Variants in SALL3 observed in about 807,000 individuals in gnomAD.
SALL3 encodes spalt like transcription factor 3.
A neutral mutation model predicts 66.2 loss-of-function variants in SALL3; 25 were observed. The ratio of observed to expected loss-of-function variants is 0.38; its 90% CI spans 0.28 to 0.53. The LOEUF (loss-of-function observed/expected upper bound fraction) is 0.53. SALL3 is among the 20% of genes least tolerant of loss of function. SALL3 has a pLI of 0.85. For missense variants in SALL3, 2,194 were observed against 1,916.5 expected, an observed-to-expected ratio of 1.14 and a Z score of -2.70; for synonymous variants, 1,152 against 899.1, an observed-to-expected ratio of 1.28 and a Z score of -5.03.
Position 78,992,206 on chromosome 18 carries a change from G to T in SALL3, c.215G>T (p.Ser72Ile), listed in dbSNP as rs755458261. Residue 72 changes from serine to isoleucine, a missense_variant, in exon 2 of 3, where the codon AGC becomes ATC. Ser to Ile is a moderately radical substitution (Grantham distance 142, BLOSUM62 -2). Coordinates refer to ENST00000537592, the MANE Select transcript of SALL3 (RefSeq NM_171999.4). ...KWADFLEHQR[S>I]CTKLPPVLIV... ...GCGGACTTCCTGGAGCACCAGCGGAGCTGCACCAAGCTCCCGCCCGTGCTG... is the reference window on the plus strand; with the variant it reads ...GCGGACTTCCTGGAGCACCAGCGGATCTGCACCAAGCTCCCGCCCGTGCTG... 1.1e-5 allele frequency: 18 copies of T among 1,609,764 alleles called. No individual in the cohort carries two copies. Among genetic ancestry groups the T allele is most frequent in the Non-Finnish European group, 1.4e-5 (16 of 1,179,092 alleles).
intron 1 of SALL3, among the ~76,000 whole-genome samples, chr18:78,987,057 A>C (rs1914270271): frequency 6.6e-6 from 1 of 152,168 alleles, no homozygotes; most frequent in African/African-American, 2.4e-5. Context: ...TATTTTTAAA[A>C]AAAAAACCTG....
Position 78,992,697 on chromosome 18 carries a change from C to T in SALL3, c.706C>T (p.Pro236Ser). 6.6e-7 allele frequency: 1 copy of T among 1,509,292 alleles called. No homozygotes were observed. The allele number at this position is 1,509,292 out of a possible 1,614,324, so 93.5% of individuals were successfully genotyped here. A position where few individuals can be genotyped will look rare whatever the true frequency, so the allele number is the denominator to read the frequency against. Residue 236 changes from proline to serine, a missense_variant, in exon 2 of 3, where the codon CCG becomes TCG. Coordinates refer to ENST00000537592, the MANE Select transcript of SALL3 (RefSeq NM_171999.4). The stretch of plus-strand genomic sequence containing the variant: ...CAGCCAGGTGGCCCTCATGCAGCGC[C>T]CGCCGCCGCGGCCCTCACTCAGCCC... ...IRSQVALMQRPPPRPSLSPAA... is the reference protein window; with the variant it reads ...IRSQVALMQRSPPRPSLSPAA...
At chr18:78,981,417 C>T (rs1017845553) in intron 1 of SALL3, among the ~76,000 whole-genome samples, 6 of 152,184 alleles carry the variant, frequency 3.9e-5, no homozygotes, top group African/African-American at 1.4e-4. Context: ...TATGATTGAC[C>T]TGTTATAAGT....
intron 1 of SALL3, among the ~76,000 whole-genome samples, chr18:78,985,928 C>G (rs760403451): frequency 1.3e-5 from 2 of 152,188 alleles, no homozygotes; most frequent in Non-Finnish European, 2.9e-5. Context: ...CTTGTTTTCA[C>G]CCCCTCATCA....
rs1193136494 is a variant in SALL3, at chr18:78,993,042, C to G, written c.1051C>G (p.Leu351Val). Reference protein sequence around the residue: ...STPPALAPGSLLGAAPGLPSP... With the variant: ...STPPALAPGSVLGAAPGLPSP... ...GCCGCCTGCCCTGGCCCCGGGGTCCCTGCTGGGTGCGGCGCCCGGCCTGCC... is the reference window on the plus strand; with the variant it reads ...GCCGCCTGCCCTGGCCCCGGGGTCCGTGCTGGGTGCGGCGCCCGGCCTGCC... The change falls in exon 2 of 3, where the codon CTG (leucine) becomes GTG (valine). Residue 351 changes from leucine to valine, a missense_variant. Physicochemically the swap from Leu to Val is conservative, Grantham distance 32. Transcript: ENST00000537592. 1.1e-5 allele frequency: 18 copies of G among 1,579,756 alleles called. No individual in the cohort carries two copies. The highest frequency in any genetic ancestry group is 1.3e-5 in the Non-Finnish European group (15 of 1,169,874).
Position 78,993,263 on chromosome 18 carries a change from C to T in SALL3, c.1272C>T (p.Phe424=). ...EDPFFKHKCR[F]CAKVFGSDSA... is the part of the protein sequence containing the mutation. ...CGTTCTTCAAGCACAAATGCCGCTTCTGCGCCAAGGTCTTCGGCAGCGACA... is the reference window on the plus strand; with the variant it reads ...CGTTCTTCAAGCACAAATGCCGCTTTTGCGCCAAGGTCTTCGGCAGCGACA... Residue 424 remains phenylalanine, a synonymous_variant, in exon 2 of 3, where the codon TTC becomes TTT. Transcript: ENST00000537592. 1 of 1,610,636 alleles carries T rather than the reference C, an allele frequency of 6.2e-7. No individual in the cohort carries two copies. The highest frequency in any genetic ancestry group is 8.5e-7 in the Non-Finnish European group (1 of 1,179,604).
intron 1 of SALL3, among the ~76,000 whole-genome samples, chr18:78,987,399 T>C (rs1310039325): frequency 6.6e-6 from 1 of 152,222 alleles, no homozygotes; most frequent in Non-Finnish European, 1.5e-5. Flanking sequence ...AATACATATT[T>C]TTTTTAACTA....
Position 78,997,117 on chromosome 18 carries a change from T to C in SALL3, c.3698T>C (p.Ile1233Thr). Residue 1233 changes from isoleucine (I) to threonine (T), a missense_variant, in exon 3 of 3, where the codon ATC (isoleucine) becomes ACC (threonine). By Grantham distance (89) the Ile-to-Thr change is moderately conservative. Coordinates refer to ENST00000537592, the MANE Select transcript of SALL3 (RefSeq NM_171999.4). The stretch of plus-strand genomic sequence containing the variant: ...ATGAAGAACAACGAGATCTCCGTCA[T>C]CCAGAACGGCGGCATCCCCCAGCTC... ...LAMKNNEISV[I>T]QNGGIPQLPV... The C allele has an allele frequency of 3.1e-6, 5 of 1,614,010 alleles. No homozygotes were observed. In the Admixed American group the frequency reaches 6.7e-5, roughly 22 times the overall value.
chr18:78,989,244 C>A (rs1914346690), intron 1 of SALL3, among the ~76,000 whole-genome samples: 3 of 151,964 alleles, frequency 2.0e-5, no homozygotes, highest in South Asian at 4.2e-4. Context: ...GGAAACACTT[C>A]CCAACATCCA....
intron 1 of SALL3, among the ~76,000 whole-genome samples, chr18:78,985,303 T>C (rs897948802): frequency 6.6e-6 from 1 of 152,260 alleles, no homozygotes; most frequent in African/African-American, 2.4e-5. Context: ...CGCCATCTAG[T>C]TCAGCACAAG....
intron 1 of SALL3, among the ~76,000 whole-genome samples, chr18:78,981,120 C>A (rs1339651817): frequency 6.6e-6 from 1 of 152,220 alleles, no homozygotes; most frequent in Non-Finnish European, 1.5e-5. Flanking sequence ...GTAGGAGCGT[C>A]CTCTTCGAAA....
Position 78,997,699 on chromosome 18 carries a change from T to C in SALL3, c.*377T>C, listed in dbSNP as rs1914747011. 3 of 243,578 alleles carry C rather than the reference T, an allele frequency of 1.2e-5. No homozygotes were observed. The highest frequency in any genetic ancestry group is 2.4e-5 in the Non-Finnish European group (3 of 126,098). 15.1% of individuals were successfully genotyped at this position (243,578 alleles called of 1,614,324 possible). A position where few individuals can be genotyped will look rare whatever the true frequency, so the allele number is the denominator to read the frequency against. ...ATTTGATGGTTTCTTTTGAATTAGT[T>C]AGACACTTGAACGGTGTTTTTTAGA... On this transcript the variant is annotated 3_prime_UTR_variant, in exon 3 of 3. Transcript: ENST00000537592.
chr18:78,983,540 A>C (rs1009921548), intron 1 of SALL3, among the ~76,000 whole-genome samples: 1 of 152,242 alleles, frequency 6.6e-6, no homozygotes, highest in Non-Finnish European at 1.5e-5. Context: ...CCAACTTAGA[A>C]GTATATGGCT....
chr18:78,995,712 T>TGC (rs72347660), intron 2 of SALL3, among the ~76,000 whole-genome samples: 14 of 151,324 alleles, frequency 9.3e-5, no homozygotes, highest in Admixed American at 6.6e-5. Context: ...CGTGTGTGTG[T>TGC]GCATGTGTAG....
At position 78,998,252 on chromosome 18, in the gene SALL3, G is replaced by A. The variant is rs1056158751; in HGVS notation, c.*930G>A. The A allele has an allele frequency of 6.6e-6, 1 of 152,160 alleles. No individual in the cohort carries two copies. Among genetic ancestry groups the A allele is most frequent in the Non-Finnish European group, 1.5e-5 (1 of 68,002 alleles). 9.4% of individuals were successfully genotyped at this position (152,160 alleles called of 1,614,324 possible). A position where few individuals can be genotyped will look rare whatever the true frequency, so the allele number is the denominator to read the frequency against. On this transcript the variant is annotated 3_prime_UTR_variant, in exon 3 of 3. Transcript: ENST00000537592. ...CTTAATTTATACTATTGCACTTTTA[G>A]TATTTTGTATTAGGGAGGTTTGTCT...
In SALL3 at chr18:78,994,973, C is replaced by G. The variant is rs868715772; in HGVS notation, c.2982C>G (p.Ile994Met). The G allele has an allele frequency of 1.2e-6, 2 of 1,613,772 alleles. No homozygotes were observed. Among genetic ancestry groups the G allele is most frequent in the South Asian group, 1.1e-5 (1 of 91,092 alleles). Residue 994 changes from isoleucine to methionine, a missense_variant, in exon 2 of 3, where the codon ATC becomes ATG. Transcript: ENST00000537592. ...KPFACKSALE[I>M]HYRSHTKERP... ...TTGCTTGCAAGAGCGCGTTGGAAATCCACTACCGCAGCCATACTAAGGAGC... is the reference window on the plus strand; with the variant it reads ...TTGCTTGCAAGAGCGCGTTGGAAATGCACTACCGCAGCCATACTAAGGAGC...
chr18:78,980,342 G>A lies in SALL3; in HGVS notation c.68G>A (p.Gly23Glu), dbSNP rs1358132784. Reference sequence around the variant, plus strand: ...GACGAGGAGCTGCTGCCGCCTGACGGGGCTCCCGAGCACGGTGAGGGCCGG... The same window carrying A: ...GACGAGGAGCTGCTGCCGCCTGACGAGGCTCCCGAGCACGGTGAGGGCCGG... ...KSDEELLPPD[G>E]APEHAAPGEG... The change falls in exon 1 of 3, where the codon GGG becomes GAG. Residue 23 changes from glycine (G) to glutamate (E), a missense_variant. Physicochemically the swap from Gly to Glu is moderately conservative, Grantham distance 98 (BLOSUM62 -2). Transcript: ENST00000537592. 6 of 1,440,412 alleles carry A rather than the reference G, an allele frequency of 4.2e-6. No homozygotes were observed. The highest frequency in any genetic ancestry group is 3.1e-5 in the East Asian group (1 of 32,536). 89.2% of individuals were successfully genotyped at this position (1,440,412 alleles called of 1,614,324 possible). A position where few individuals can be genotyped will look rare whatever the true frequency, so the allele number is the denominator to read the frequency against.
intron 1 of SALL3, among the ~76,000 whole-genome samples, chr18:78,991,100 A>G (rs1264266319): frequency 6.6e-6 from 1 of 152,242 alleles, no homozygotes; most frequent in Non-Finnish European, 1.5e-5. Flanking sequence ...CTATGAGAAT[A>G]GATGAAAATA....
Position 78,994,932 on chromosome 18 carries a change from G to A in SALL3, c.2941G>A (p.Val981Ile), listed in dbSNP as rs1437056008. ...RGKCPSTVCGVCGKPFACKSA... is the reference protein window; with the variant it reads ...RGKCPSTVCGICGKPFACKSA... ...TAAGTGTCCCAGCACTGTGTGTGGT[G>A]TCTGTGGCAAGCCTTTTGCTTGCAA... The change falls in exon 2 of 3, where the codon GTC becomes ATC. Residue 981 changes from valine (V) to isoleucine (I), a missense_variant. Val to Ile is a conservative substitution (Grantham distance 29). Coordinates refer to ENST00000537592, the MANE Select transcript of SALL3 (RefSeq NM_171999.4). The A allele has an allele frequency of 6.2e-7, 1 of 1,613,674 alleles. No homozygotes were observed. Among genetic ancestry groups the A allele is most frequent in the Non-Finnish European group, 8.5e-7 (1 of 1,180,008 alleles).
Sources: allele counts gnomAD v4.1 joint callset (sites outside exome capture counted in the v4.1 genomes callset), GRCh38; gene constraint gnomAD v4.1.1; transcripts MANE v1.5; gene names NCBI Gene and HGNC (gene_info 2026-07-23, HGNC 2026-07-21).